PPP3CA: variants seen among roughly 807,000 people sequenced by gnomAD.
PPP3CA encodes protein phosphatase 3 catalytic subunit alpha.
PPP3CA carries 14 observed loss-of-function variants against 66.5 expected under a neutral mutation model. The observed-to-expected ratio is 0.21, with a 90% confidence interval of 0.14 to 0.33. The LOEUF is 0.33. Among genes scored for constraint, PPP3CA ranks in the 10% least tolerant of loss-of-function variants. The pLI is 1.00. For missense variants in PPP3CA, 317 were observed against 639.5 expected (o/e 0.50, Z 5.44); for synonymous variants, 232 against 226.2 (o/e 1.03, Z -0.23).
chr4:101,227,135 T>TACAC (rs1725809817), intron 1 of PPP3CA, among the ~76,000 whole-genome samples: 1 of 151,604 alleles, frequency 6.6e-6, no homozygotes, highest in Admixed American at 6.6e-5. Flanking sequence ...CATACATACA[T>TACAC]ACATACATAC....
rs537057438 is a variant in PPP3CA at position 101,247,939 on chromosome 4, T to A, written c.59-51823A>T. Among the ~76,000 whole-genome samples, 3 of 151,956 alleles carry A rather than the reference T, an allele frequency of 2.0e-5. No individual in the cohort carries two copies. In the East Asian group the frequency reaches 5.8e-4, roughly 29 times the overall value. On this transcript the variant is annotated intron_variant, in intron 1 of 13. Transcript: ENST00000394854. Reference sequence around the variant, plus strand: ...TTTTAAAACTCTATATATGTGTGTATACACACACACACATATATGAGAAAG... The same window carrying A: ...TTTTAAAACTCTATATATGTGTGTAAACACACACACACATATATGAGAAAG...
In PPP3CA at chr4:101,318,486, G is replaced by A. The variant is rs140419404; in HGVS notation, c.58+28253C>T. 4.4e-3 allele frequency among the ~76,000 whole-genome samples: 673 copies of A among 152,194 alleles called. 10 individuals carry two copies. Among genetic ancestry groups the A allele is most frequent in the African/African-American group, 0.016 (654 of 41,516 alleles). The stretch of plus-strand genomic sequence containing the variant: ...GCTTAGATTTCAGCCAAATTGATAG[G>A]CATCATACTTACCACCTAACAAATA... On this transcript the variant is annotated intron_variant, in intron 1 of 13. Coordinates refer to ENST00000394854, the MANE Select transcript of PPP3CA (RefSeq NM_000944.5).
chr4:101,220,744 T>A (rs530770526), intron 1 of PPP3CA, among the ~76,000 whole-genome samples: 2 of 151,790 alleles, frequency 1.3e-5, no homozygotes, highest in East Asian at 3.9e-4. Flanking sequence ...TATCAATAAC[T>A]GACATACACA....
At chr4:101,109,149 AT>A in intron 2 of PPP3CA, 71 bp from the exon 3 acceptor site, 1 of 1,442,832 alleles carries the variant, frequency 6.9e-7, no homozygotes, top group Non-Finnish European at 9.5e-7. Flanking sequence ...AAATTACAAA[AT>A]TTTAGAACCA....
intron 2 of PPP3CA, among the ~76,000 whole-genome samples, chr4:101,151,535 G>T (rs1334993624): frequency 2.0e-5 from 3 of 148,154 alleles, no homozygotes; most frequent in Non-Finnish European, 3.0e-5. Flanking sequence ...CTCCAACATG[G>T]GTCACAAAGC....
chr4:101,036,119 A>G (rs1391627519), intron 11 of PPP3CA, among the ~76,000 whole-genome samples: 1 of 152,214 alleles, frequency 6.6e-6, no homozygotes, highest in Non-Finnish European at 1.5e-5. Context: ...TGTCCCTTTA[A>G]TAAGTGTTAT....
chr4:101,142,603 T>C (rs768349175), intron 2 of PPP3CA, among the ~76,000 whole-genome samples: 3 of 152,156 alleles, frequency 2.0e-5, no homozygotes, highest in Non-Finnish European at 2.9e-5. Flanking sequence ...GGTTTTACTA[T>C]GTTGTCCAGG....
At position 101,117,166 on chromosome 4, in the gene PPP3CA, A is replaced by G. The variant is rs773360351; in HGVS notation, c.260-8088T>C. On this transcript the variant is annotated intron_variant, in intron 2 of 13. Coordinates refer to ENST00000394854, the MANE Select transcript of PPP3CA (RefSeq NM_000944.5). ...AGAAACAGTGCAGGGAAATTAAAAA[A>G]GAAAGAATAAAATATATTGTAGATT... Among the ~76,000 whole-genome samples the G allele has an allele frequency of 5.9e-5, 9 of 152,004 alleles. No homozygotes were observed. The East Asian group carries it at 1.7e-3, about 29-fold the overall frequency.
At chr4:101,324,902 G>A (rs915339130) in intron 1 of PPP3CA, among the ~76,000 whole-genome samples, 1 of 152,168 alleles carries the variant, frequency 6.6e-6, no homozygotes, top group Non-Finnish European at 1.5e-5. Flanking sequence ...TGATTTACAA[G>A]TTGAAATGTT....
At chr4:101,262,269 T>C (rs939956616) in intron 1 of PPP3CA, among the ~76,000 whole-genome samples, 2 of 152,044 alleles carry the variant, frequency 1.3e-5, no homozygotes, top group African/African-American at 2.4e-5. Flanking sequence ...CAAGAGTATA[T>C]ACAAACCCCT....
rs551676939 is a variant in PPP3CA, at chr4:101,254,936, G to T, written c.59-58820C>A. Among the ~76,000 whole-genome samples, 13 of 149,990 alleles carry T rather than the reference G, an allele frequency of 8.7e-5. No individual in the cohort carries two copies. The South Asian group carries it at 2.7e-3, about 31-fold the overall frequency. On this transcript the variant is annotated intron_variant, in intron 1 of 13. Coordinates refer to ENST00000394854, the MANE Select transcript of PPP3CA (RefSeq NM_000944.5). ...TTATTTTCCACCATGCATAAGACAG[G>T]ACCTCGTATGTATGTAATTAACAGG...
chr4:101,045,150 A>T (rs1351289963), intron 10 of PPP3CA, among the ~76,000 whole-genome samples: 1 of 152,208 alleles, frequency 6.6e-6, no homozygotes, highest in Non-Finnish European at 1.5e-5. Context: ...CCTTCATCAA[A>T]TATTCTTGTG....
rs372357583 is a variant in PPP3CA, at chr4:101,296,222, T to A, written c.58+50517A>T. Among the ~76,000 whole-genome samples the A allele has an allele frequency of 1.1e-3, 165 of 152,288 alleles. 3 individuals carry two copies. In the South Asian group the frequency reaches 0.034, roughly 31 times the overall value. ...TTTTCCCAAATAAAATTCAATAGATTTAAATTACAGCAAATTTTAAAGCAT... is the reference window on the plus strand; with the variant it reads ...TTTTCCCAAATAAAATTCAATAGATATAAATTACAGCAAATTTTAAAGCAT... On this transcript the variant is annotated intron_variant, in intron 1 of 13. Transcript: ENST00000394854.
chr4:101,030,711 A>C (rs1236905464), intron 12 of PPP3CA, among the ~76,000 whole-genome samples: 4 of 152,192 alleles, frequency 2.6e-5, no homozygotes, highest in Admixed American at 6.5e-5. Context: ...CCAGAATCAC[A>C]CCAGCACTGA....
chr4:101,034,482 C>T (rs188444461), intron 11 of PPP3CA, among the ~76,000 whole-genome samples: 2 of 152,166 alleles, frequency 1.3e-5, no homozygotes, highest in East Asian at 3.9e-4. Flanking sequence ...ACTCCATTCC[C>T]CTCCTGCCAT....
intron 1 of PPP3CA, among the ~76,000 whole-genome samples, chr4:101,322,439 C>T (rs1729068480): frequency 6.8e-6 from 1 of 147,556 alleles, no homozygotes; most frequent in Non-Finnish European, 1.5e-5. Flanking sequence ...AGACCAGAGT[C>T]CCACTCTGTC....
At chr4:101,160,762 C>G (rs1312836831) in intron 2 of PPP3CA, among the ~76,000 whole-genome samples, 1 of 151,892 alleles carries the variant, frequency 6.6e-6, no homozygotes, top group Non-Finnish European at 1.5e-5. Flanking sequence ...TTTAATCAGA[C>G]AAATGAAGAT....
At chr4:101,187,511 A>G (rs184233511) in intron 2 of PPP3CA, among the ~76,000 whole-genome samples, 71 of 152,214 alleles carry the variant, frequency 4.7e-4, no homozygotes, top group Non-Finnish European at 7.9e-4. Flanking sequence ...GCTTTCACCT[A>G]CCTTTGATAT....
chr4:101,128,482 G>A (rs985852974), intron 2 of PPP3CA, among the ~76,000 whole-genome samples: 1 of 151,872 alleles, frequency 6.6e-6, no homozygotes, highest in Non-Finnish European at 1.5e-5. Flanking sequence ...AACAGCTCCT[G>A]TCTGCAGCTC....
Sources: allele counts gnomAD v4.1 joint callset (sites outside exome capture counted in the v4.1 genomes callset), GRCh38; gene constraint gnomAD v4.1.1; transcripts MANE v1.5; gene names NCBI Gene and HGNC (gene_info 2026-07-23, HGNC 2026-07-21).